VPS54: variants seen among roughly 807,000 people sequenced by gnomAD.
VPS54 encodes VPS54 subunit of GARP complex, also known as vacuolar protein sorting-associated protein 54.
In VPS54, 45 loss-of-function variants were observed where a neutral mutation model predicts 121.5. The ratio of observed to expected loss-of-function variants is 0.37; its 90% confidence interval spans 0.29 to 0.47. The LOEUF is 0.47. Ranked by LOEUF, VPS54 falls within the 20% of genes least tolerant of loss-of-function variation. The pLI is 0.99. For missense variants in VPS54, 1,090 were observed against 1,131.4 expected, an observed-to-expected ratio of 0.96 and a Z score of 0.52; for synonymous variants, 371 against 385.8, an observed-to-expected ratio of 0.96 and a Z score of 0.45.
chr2:63,972,725 A>C (rs1013139521), intron 3 of VPS54, among the ~76,000 whole-genome samples: 13 of 152,080 alleles, frequency 8.5e-5, no homozygotes, highest in African/African-American at 3.1e-4. Flanking sequence ...GTCTCTACCA[A>C]AAATTAGCCA....
intron 6 of VPS54, 43 bp from the exon 7 acceptor site, chr2:63,962,486 C>A (rs770095760): frequency 6.5e-7 from 1 of 1,536,800 alleles, no homozygotes; most frequent in Non-Finnish European, 8.7e-7. Flanking sequence ...TATGAGCATA[C>A]CTTCCTTGAT....
At chr2:63,913,063 T>C (rs1444000892) in intron 18 of VPS54, among the ~76,000 whole-genome samples, 160 bp downstream of exon 18, 1 of 152,172 alleles carries the variant, frequency 6.6e-6, no homozygotes, top group African/African-American at 2.4e-5. Flanking sequence ...GGTTAGTTTT[T>C]TTCAGTGATG....
Position 63,897,804 on chromosome 2 carries a change from T to G in VPS54, c.2734-214A>C, listed in dbSNP as rs1389107911. Among the ~76,000 whole-genome samples the G allele has an allele frequency of 3.3e-5, 5 of 152,318 alleles. No homozygotes were observed. In the East Asian group the frequency reaches 9.6e-4, roughly 29 times the overall value. On this transcript the variant is annotated intron_variant, in intron 21 of 22. Transcript: ENST00000272322. The stretch of plus-strand genomic sequence containing the variant: ...TTTTTACCCTCCTTAGCAGTACTCC[T>G]TTTTGGAAAAATTCCCGTAAGTGGG...
At chr2:63,973,782 T>C (rs979393517) in intron 3 of VPS54, among the ~76,000 whole-genome samples, 1 of 152,186 alleles carries the variant, frequency 6.6e-6, no homozygotes, top group Non-Finnish European at 1.5e-5. Context: ...TGGTCTCAAG[T>C]GATTCTTCCA....
intron 20 of VPS54, among the ~76,000 whole-genome samples, chr2:63,900,254 A>C: frequency 6.7e-6 from 1 of 149,442 alleles, no homozygotes; most frequent in East Asian, 1.9e-4. Context: ...AGAATGTGTC[A>C]GTATGATCGT....
At chr2:63,904,455 A>AT (rs1395694114) in intron 20 of VPS54, among the ~76,000 whole-genome samples, 2 of 150,406 alleles carry the variant, frequency 1.3e-5, no homozygotes, top group Non-Finnish European at 3.0e-5. Context: ...AAAAAAAAAA[A>AT]AAAAAAAAAG....
At chr2:63,896,737 A>G (rs1395552377) in intron 22 of VPS54, among the ~76,000 whole-genome samples, 1 of 152,168 alleles carries the variant, frequency 6.6e-6, no homozygotes, top group Non-Finnish European at 1.5e-5. Context: ...ATAAAATTTT[A>G]TTCCTAAAAA....
At position 63,973,892 on chromosome 2, in the gene VPS54, C is replaced by G. The variant is rs562467025; in HGVS notation, c.379-1648G>C. On this transcript the variant is annotated intron_variant, in intron 3 of 22. Coordinates refer to ENST00000272322, the MANE Select transcript of VPS54 (RefSeq NM_016516.3). ...TGTTTTCTAAGTATTTTCTCCCAGT[C>G]TTTGGCTTGTTTTTTCATTCTCTTA... Among the ~76,000 whole-genome samples the G allele has an allele frequency of 2.2e-3, 335 of 152,266 alleles. 1 individual carries two copies. Among genetic ancestry groups the G allele is most frequent in the African/African-American group, 7.1e-3 (297 of 41,550 alleles).
At chr2:63,934,540 C>T (rs1674364714) in intron 11 of VPS54, among the ~76,000 whole-genome samples, 2 of 152,124 alleles carry the variant, frequency 1.3e-5, no homozygotes, top group South Asian at 4.1e-4. Flanking sequence ...ATCCGGAATG[C>T]TTTTCACCTT....
At chr2:63,951,411 C>T (rs990626734) in intron 7 of VPS54, among the ~76,000 whole-genome samples, 1 of 151,902 alleles carries the variant, frequency 6.6e-6, no homozygotes, top group African/African-American at 2.4e-5. Flanking sequence ...CAATAAAAAC[C>T]ATGCAAAAAC....
At chr2:63,930,050 C>G (rs368415721) in intron 12 of VPS54, among the ~76,000 whole-genome samples, 5 of 152,032 alleles carry the variant, frequency 3.3e-5, no homozygotes, top group African/African-American at 9.7e-5. Context: ...AAGTTCAGGA[C>G]CAGACAGATT....
intron 1 of VPS54, among the ~76,000 whole-genome samples, chr2:64,005,857 C>T (rs1000631575): frequency 4.6e-5 from 7 of 152,180 alleles, no homozygotes; most frequent in African/African-American, 1.7e-4. Context: ...CTACAAGAGT[C>T]TGTGAACTCA....
At chr2:63,953,758 G>T (rs1362097217) in intron 7 of VPS54, among the ~76,000 whole-genome samples, 2 of 152,132 alleles carry the variant, frequency 1.3e-5, no homozygotes, top group Non-Finnish European at 2.9e-5. Flanking sequence ...TATGGTAGGG[G>T]TTGTGGGGGA....
intron 1 of VPS54, among the ~76,000 whole-genome samples, chr2:64,007,832 C>G (rs552023226): frequency 2.0e-5 from 3 of 151,996 alleles, no homozygotes; most frequent in Non-Finnish European, 4.4e-5. Flanking sequence ...AAGTAAAGTG[C>G]GAACAGTAAG....
In VPS54 at chr2:63,897,481, C is replaced by A; in HGVS notation, c.2828+15G>T. 3.9e-6 allele frequency: 6 copies of A among 1,525,404 alleles called. No individual in the cohort carries two copies. The highest frequency in any genetic ancestry group is 5.4e-6 in the Non-Finnish European group (6 of 1,115,004). The allele number at this position is 1,525,404 out of a possible 1,614,324, so 94.5% of individuals were successfully genotyped here. ...TCGATATGGGAGTATATGGTGAAAACGTTAAAAAACATACCCATTTTGAGG... is the reference window on the plus strand; with the variant it reads ...TCGATATGGGAGTATATGGTGAAAAAGTTAAAAAACATACCCATTTTGAGG... On this transcript the variant is annotated intron_variant, in intron 22 of 22. Coordinates refer to ENST00000272322, the MANE Select transcript of VPS54 (RefSeq NM_016516.3).
chr2:63,908,849 G>C (rs1397920420), intron 20 of VPS54, among the ~76,000 whole-genome samples: 1 of 152,196 alleles, frequency 6.6e-6, no homozygotes, highest in African/African-American at 2.4e-5. Context: ...GAGGCTTAAG[G>C]AGATTAATAA....
intron 1 of VPS54, among the ~76,000 whole-genome samples, chr2:64,002,208 A>G (rs1402002315): frequency 3.3e-5 from 5 of 152,204 alleles, no homozygotes; most frequent in African/African-American, 9.6e-5. Flanking sequence ...TAGTCGCTGC[A>G]TGGGGGATGG....
chr2:63,974,875 A>T, intron 3 of VPS54: 1 of 1,213,594 alleles, frequency 8.2e-7, no homozygotes, highest in South Asian at 1.9e-5. Context: ...TTTCATCTGG[A>T]AACAGTTTTA....
intron 7 of VPS54, among the ~76,000 whole-genome samples, chr2:63,956,487 C>A (rs933875578): frequency 1.3e-5 from 2 of 152,142 alleles, no homozygotes; most frequent in Non-Finnish European, 2.9e-5. Flanking sequence ...GCTGAGCAAA[C>A]CTATAGCTCA....
Sources: allele counts gnomAD v4.1 joint callset (sites outside exome capture counted in the v4.1 genomes callset), GRCh38; gene constraint gnomAD v4.1.1; transcripts MANE v1.5; gene names NCBI Gene and HGNC (gene_info 2026-07-23, HGNC 2026-07-21).